The following KLF17 variants were observed in gnomAD, a reference collection of about 807,000 sequenced individuals.
The protein encoded by KLF17 is Krueppel-like factor 17.
In KLF17, 31 loss-of-function variants were observed where a neutral mutation model predicts 34.2. That is an observed-to-expected ratio of 0.91 (90% CI 0.68 to 1.22). The LOEUF (loss-of-function observed/expected upper bound fraction) is 1.22. Among genes scored for constraint, KLF17 ranks in the 50% most tolerant of loss-of-function variants. The probability of loss-of-function intolerance (pLI) is 0.00; values close to 1 mark genes in which losing one functional copy is unlikely to be tolerated. For missense variants in KLF17, 478 were observed against 505.2 expected (o/e 0.95, Z 0.52); for synonymous variants, 179 against 186.7 (o/e 0.96, Z 0.34).
the KLF17 span, among the ~76,000 whole-genome samples, chr1:44,057,037 A>T: frequency 6.6e-6 from 1 of 151,930 alleles, no homozygotes; most frequent in Non-Finnish European, 1.5e-5. Context: ...CATAGAACAG[A>T]CCTACTCTAG....
At chr1:44,103,311 T>G in the KLF17 span, 2 of 729,026 alleles carry the variant, frequency 2.7e-6, no homozygotes, top group African/African-American at 3.4e-5. Context: ...GCTGTTCACT[T>G]GGGCAGGACG....
the KLF17 span, among the ~76,000 whole-genome samples, chr1:44,108,965 C>T: frequency 3.3e-5 from 5 of 152,260 alleles, no homozygotes; most frequent in East Asian, 9.6e-4. Flanking sequence ...CCGCACCCAG[C>T]CTGTTAGTTC....
At chr1:44,059,720 T>G in the KLF17 span, among the ~76,000 whole-genome samples, 1 of 152,040 alleles carries the variant, frequency 6.6e-6, no homozygotes, top group East Asian at 1.9e-4. Flanking sequence ...TCCAATGCAC[T>G]AATGATTCTA....
the KLF17 span, among the ~76,000 whole-genome samples, chr1:44,061,934 T>C: frequency 9.9e-5 from 15 of 152,222 alleles, no homozygotes; most frequent in East Asian, 2.9e-3. Flanking sequence ...AGGGTATAAA[T>C]ATAACTGCAG....
At chr1:44,080,859 C>T in the KLF17 span, among the ~76,000 whole-genome samples, 40 of 151,090 alleles carry the variant, frequency 2.6e-4, 1 homozygote, top group African/African-American at 8.5e-4. Context: ...GGACTATAGG[C>T]ATGTGCCACC....
the KLF17 span, among the ~76,000 whole-genome samples, chr1:44,109,103 C>T: frequency 1.3e-5 from 2 of 152,148 alleles, no homozygotes; most frequent in Admixed American, 6.5e-5. Flanking sequence ...GGCTACTGAC[C>T]GATGAGGAGT....
intron 1 of KLF17, among the ~76,000 whole-genome samples, chr1:44,124,986 C>T (rs1404388781): frequency 1.3e-5 from 2 of 151,980 alleles, no homozygotes; most frequent in African/African-American, 2.4e-5. Flanking sequence ...TTTTATGCAT[C>T]GTATGTCAAA....
chr1:44,100,348 T>C, the KLF17 span, among the ~76,000 whole-genome samples: 1 of 150,428 alleles, frequency 6.6e-6, no homozygotes, highest in Non-Finnish European at 1.5e-5. Context: ...GGAATGGAAG[T>C]GAGGTACAGA....
In KLF17 at chr1:44,127,754, C is replaced by CTTTCTTCTCT. The variant is rs1557732185; in HGVS notation, c.82-1593_82-1592insCTCTTTTCTT. Among the ~76,000 whole-genome samples, 369 of 130,738 alleles carry CTTTCTTCTCT rather than the reference C, an allele frequency of 2.8e-3. 3 individuals carry two copies. The highest frequency in any genetic ancestry group is 0.01 in the African/African-American group (357 of 34,798). 85.8% of individuals were successfully genotyped at this position (130,738 alleles called of 152,430 possible). A position where few individuals can be genotyped will look rare whatever the true frequency, so the allele number is the denominator to read the frequency against. On this transcript the variant is annotated intron_variant, in intron 1 of 3. Coordinates refer to ENST00000372299, the MANE Select transcript of KLF17 (RefSeq NM_173484.4). ...TCTTCTCTTTTCTTTCTTCTCTTTTCTTTCTTTCTTCTCTTCTTTCTTTCT... is the reference window on the plus strand; with the variant it reads ...TCTTCTCTTTTCTTTCTTCTCTTTTCTTTCTTCTCTTTTCTTTCTTCTCTTCTTTCTTTCT...
At chr1:44,100,782 G>C in the KLF17 span, among the ~76,000 whole-genome samples, 1 of 151,880 alleles carries the variant, frequency 6.6e-6, no homozygotes, top group African/African-American at 2.4e-5. Flanking sequence ...CAGCCTCCAA[G>C]TAGCTGGGAT....
the KLF17 span, among the ~76,000 whole-genome samples, chr1:44,110,077 T>G: frequency 6.6e-6 from 1 of 151,966 alleles, no homozygotes. Flanking sequence ...TGGCTAATTT[T>G]TGTATTTTTA....
At chr1:44,065,767 A>G in the KLF17 span, among the ~76,000 whole-genome samples, 24 of 152,360 alleles carry the variant, frequency 1.6e-4, no homozygotes, top group African/African-American at 5.8e-4. Flanking sequence ...TAGAAGAAAT[A>G]AAAATACATG....
the KLF17 span, among the ~76,000 whole-genome samples, chr1:44,058,787 T>A: frequency 1.3e-5 from 2 of 149,096 alleles, no homozygotes; most frequent in Non-Finnish European, 3.0e-5. Context: ...GAGGCCCTTT[T>A]TAACTTCAGA....
At chr1:44,090,128 C>CG in the KLF17 span, among the ~76,000 whole-genome samples, 1 of 89,652 alleles carries the variant, frequency 1.1e-5, no homozygotes, top group African/African-American at 4.1e-5. Context: ...GACTCTGTCT[C>CG]AAAAAAAAAA....
chr1:44,063,344 G>T, the KLF17 span, among the ~76,000 whole-genome samples: 2 of 152,110 alleles, frequency 1.3e-5, no homozygotes, highest in African/African-American at 4.8e-5. Flanking sequence ...AAGTTGATTT[G>T]TACATATTAC....
chr1:44,130,171 C>A lies in KLF17; in HGVS notation c.900C>A (p.Leu300=), dbSNP rs1359180529. The change falls in exon 2 of 4, where the codon CTC becomes CTA. Residue 300 remains leucine, a synonymous_variant. Transcript: ENST00000372299. ...CGKAYTKRSH[L]VSHQRKHTGE... is the part of the protein sequence containing the mutation. ...AAGCTTATACCAAACGCTCCCACCT[C>A]GTGAGCCACCAGCGCAAGCACACAG... 1.2e-6 allele frequency: 2 copies of A among 1,612,910 alleles called. No homozygotes were observed. The highest frequency in any genetic ancestry group is 2.7e-5 in the African/African-American group (2 of 74,838).
upstream of KLF17, chr1:44,114,636 T>C (rs2087863783): frequency 6.6e-6 from 1 of 152,194 alleles, no homozygotes; most frequent in East Asian, 1.9e-4. Flanking sequence ...CCTTGGCATA[T>C]TAAAGTGGGC....
the KLF17 span, among the ~76,000 whole-genome samples, chr1:44,080,935 G>C: frequency 1.3e-5 from 2 of 151,466 alleles, no homozygotes; most frequent in Non-Finnish European, 2.9e-5. Context: ...ACCTGGTCTC[G>C]AACTCCTGGA....
the KLF17 span, among the ~76,000 whole-genome samples, chr1:44,052,430 C>T: frequency 1.3e-5 from 2 of 152,184 alleles, no homozygotes; most frequent in African/African-American, 4.8e-5. Flanking sequence ...TTTTTGGTGT[C>T]TCTCCTACTG....
Sources: gnomAD v4.1 joint callset for allele counts (sites outside exome capture counted in the v4.1 genomes callset) on GRCh38, gnomAD v4.1.1 for gene constraint, MANE v1.5 for transcripts, NCBI Gene and HGNC (gene_info 2026-07-23, HGNC 2026-07-21) for gene names.